Variants in CTNND2 observed in about 807,000 individuals in gnomAD.
CTNND2 encodes catenin delta 2.
A neutral mutation model predicts 144.4 loss-of-function variants in CTNND2; 22 were observed. That is an observed-to-expected ratio of 0.15 (90% CI 0.11 to 0.22). CTNND2 has a LOEUF of 0.22. Ranked by LOEUF, CTNND2 falls within the 10% of genes least tolerant of loss-of-function variation. CTNND2 has a pLI of 1.00. For synonymous variants in CTNND2, 751 were observed against 695.6 expected, an observed-to-expected ratio of 1.08 and a Z score of -1.25; for missense variants, 1,353 against 1,618.8, an observed-to-expected ratio of 0.84 and a Z score of 2.82.
intron 1 of CTNND2, among the ~76,000 whole-genome samples, chr5:11,845,514 A>C (rs926968258): frequency 1.3e-5 from 2 of 152,198 alleles, no homozygotes; most frequent in African/African-American, 4.8e-5. Flanking sequence ...CCACATGAAG[A>C]TGAAAACAGA....
chr5:11,281,352 AC>A (rs752986654), intron 9 of CTNND2, among the ~76,000 whole-genome samples: 1 of 152,198 alleles, frequency 6.6e-6, no homozygotes, highest in Non-Finnish European at 1.5e-5. Context: ...CCTTTTGGTG[AC>A]TAAAGCTGTT....
chr5:11,566,837 T>C (rs558433216), intron 2 of CTNND2, among the ~76,000 whole-genome samples: 23 of 152,300 alleles, frequency 1.5e-4, no homozygotes, highest in African/African-American at 5.3e-4. Flanking sequence ...GACTTTCTCG[T>C]TTGCAAGCTT....
chr5:11,117,601 C>T (rs374583095), intron 12 of CTNND2, 34 bp from the exon 13 acceptor site: 5 of 1,529,402 alleles, frequency 3.3e-6, no homozygotes, highest in East Asian at 2.2e-5. Flanking sequence ...GCGATCTTCA[C>T]GGTTGTCACC....
intron 5 of CTNND2, among the ~76,000 whole-genome samples, chr5:11,403,582 C>T (rs900001457): frequency 6.6e-5 from 10 of 152,122 alleles, no homozygotes; most frequent in African/African-American, 2.4e-4. Context: ...TCGTTCATTC[C>T]AATTCCCAAC....
chr5:11,473,501 A>G (rs766327939), intron 3 of CTNND2, among the ~76,000 whole-genome samples: 11 of 152,208 alleles, frequency 7.2e-5, no homozygotes, highest in Non-Finnish European at 1.5e-4. Flanking sequence ...AGCATCATCA[A>G]TGGTTTCCAG....
chr5:11,613,829 C>T lies in CTNND2; in HGVS notation c.175-48773G>A, dbSNP rs189704358. Among the ~76,000 whole-genome samples the T allele has an allele frequency of 5.3e-4, 81 of 152,298 alleles. No homozygotes were observed. The East Asian group carries it at 0.015, about 28-fold the overall frequency. On this transcript the variant is annotated intron_variant, in intron 2 of 21. Transcript: ENST00000304623. ...AGTACATGTCTGTAGCTTAATATCA[C>T]CCTACCAGGGACTGACAACTTTTGC...
chr5:11,113,184 T>C (rs16901271), intron 13 of CTNND2, among the ~76,000 whole-genome samples: 18,297 of 152,052 alleles, frequency 0.12, 1,784 homozygotes, highest in East Asian at 0.45. Flanking sequence ...ACCAGTATCA[T>C]GTACAGAGCC....
chr5:11,752,311 C>T (rs1788668390), intron 1 of CTNND2, among the ~76,000 whole-genome samples: 1 of 151,764 alleles, frequency 6.6e-6, no homozygotes, highest in Non-Finnish European at 1.5e-5. Context: ...CCTAGGTTAT[C>T]ATCAGGGTTT....
chr5:11,836,273 A>C (rs1391537180), intron 1 of CTNND2, among the ~76,000 whole-genome samples: 1 of 152,216 alleles, frequency 6.6e-6, no homozygotes, highest in Non-Finnish European at 1.5e-5. Flanking sequence ...AGAGAGTGCT[A>C]AAATGATCAT....
chr5:11,280,201 C>T (rs1277556916), intron 9 of CTNND2, among the ~76,000 whole-genome samples: 1 of 152,142 alleles, frequency 6.6e-6, no homozygotes, highest in East Asian at 1.9e-4. Flanking sequence ...TAAAATCCAG[C>T]AACATTTTAA....
At chr5:11,303,949 G>A (rs1749881319) in intron 9 of CTNND2, among the ~76,000 whole-genome samples, 1 of 152,102 alleles carries the variant, frequency 6.6e-6, no homozygotes, top group Non-Finnish European at 1.5e-5. Context: ...ATAAGTCTCA[G>A]GAGATCTGAT....
At chr5:11,535,824 T>C (rs1774163531) in intron 3 of CTNND2, among the ~76,000 whole-genome samples, 1 of 152,228 alleles carries the variant, frequency 6.6e-6, no homozygotes, top group Non-Finnish European at 1.5e-5. Flanking sequence ...AAATTCCAGA[T>C]CTGCTACTTA....
chr5:11,757,043 T>TAAAAACAAC (rs1788981874), intron 1 of CTNND2, among the ~76,000 whole-genome samples: 1 of 151,718 alleles, frequency 6.6e-6, no homozygotes, highest in East Asian at 1.9e-4. Context: ...CTTAAAACAA[T>TAAAAACAAC]AAAAACAACA....
intron 3 of CTNND2, among the ~76,000 whole-genome samples, chr5:11,446,969 C>G (rs1371696610): frequency 1.3e-5 from 2 of 151,916 alleles, no homozygotes; most frequent in African/African-American, 4.8e-5. Flanking sequence ...TCTTCCCTAT[C>G]CCCCCACCTC....
chr5:11,392,182 A>G (rs1463106975), intron 6 of CTNND2, among the ~76,000 whole-genome samples: 1 of 152,188 alleles, frequency 6.6e-6, no homozygotes. Flanking sequence ...CACAAGTGCA[A>G]ACATGGTGAC....
intron 1 of CTNND2, among the ~76,000 whole-genome samples, chr5:11,843,065 T>TGC (rs770221500): frequency 4.5e-4 from 68 of 152,242 alleles, no homozygotes; most frequent in Non-Finnish European, 7.4e-4. Context: ...AGGTAACAAA[T>TGC]CTTTCTTTCC....
chr5:11,739,128 C>G (rs1787856895), intron 1 of CTNND2, among the ~76,000 whole-genome samples: 1 of 152,124 alleles, frequency 6.6e-6, no homozygotes, highest in African/African-American at 2.4e-5. Flanking sequence ...CACTATTGAA[C>G]AGTGAAAAGT....
At chr5:10,985,959 CCAT>C (rs1169135003) in intron 20 of CTNND2, among the ~76,000 whole-genome samples, 1 of 152,202 alleles carries the variant, frequency 6.6e-6, no homozygotes, top group African/African-American at 2.4e-5. Context: ...ACCACCACCA[CCAT>C]CATTGTTGTG....
At chr5:11,737,875 G>C (rs201377731) in intron 1 of CTNND2, among the ~76,000 whole-genome samples, 1 of 152,334 alleles carries the variant, frequency 6.6e-6, no homozygotes, top group East Asian at 1.9e-4. Flanking sequence ...CTGTTGACCA[G>C]CGGGGAAGAG....
Sources: allele counts gnomAD v4.1 joint callset (sites outside exome capture counted in the v4.1 genomes callset), GRCh38; gene constraint gnomAD v4.1.1; transcripts MANE v1.5; gene names NCBI Gene and HGNC (gene_info 2026-07-23, HGNC 2026-07-21).